The following LDLRAD3 variants were observed in gnomAD, a reference collection of about 807,000 sequenced individuals.
LDLRAD3 encodes the protein low density lipoprotein receptor class A domain containing 3.
Under a neutral mutation model 29.4 loss-of-function variants are expected in LDLRAD3, and 20 were observed. The observed-to-expected ratio is 0.68, with a 90% confidence interval of 0.48 to 0.99. The LOEUF is 0.99. Ranked by LOEUF, LDLRAD3 falls within the 50% of genes least tolerant of loss-of-function variation. The pLI is 0.00. For synonymous variants in LDLRAD3, 157 were observed against 192.7 expected, an observed-to-expected ratio of 0.81 and a Z score of 1.53; for missense variants, 420 against 454.3, an observed-to-expected ratio of 0.92 and a Z score of 0.69.
chr11:36,203,039 C>T (rs1298188013), intron 4 of LDLRAD3, among the ~76,000 whole-genome samples: 3 of 152,142 alleles, frequency 2.0e-5, no homozygotes, highest in East Asian at 1.9e-4. Flanking sequence ...TGGGCTCAAG[C>T]GATCCTCCCT....
intron 2 of LDLRAD3, among the ~76,000 whole-genome samples, chr11:36,068,662 A>G (rs1180567153): frequency 6.6e-6 from 1 of 152,144 alleles, no homozygotes; most frequent in Non-Finnish European, 1.5e-5. Context: ...GACTACAGGC[A>G]TGTGCCACCA....
intron 1 of LDLRAD3, among the ~76,000 whole-genome samples, chr11:35,986,603 G>A (rs1405463139): frequency 6.6e-6 from 1 of 152,218 alleles, no homozygotes; most frequent in Non-Finnish European, 1.5e-5. Context: ...GGCTCTACCT[G>A]TCTTGGTCAC....
At chr11:36,083,996 C>G (rs1400834105) in intron 3 of LDLRAD3, among the ~76,000 whole-genome samples, 1 of 152,058 alleles carries the variant, frequency 6.6e-6, no homozygotes, top group East Asian at 1.9e-4. Context: ...ACAGCTCACT[C>G]CAGCCTCAAC....
At chr11:36,063,058 C>A (rs776158074) in intron 2 of LDLRAD3, among the ~76,000 whole-genome samples, 1 of 152,128 alleles carries the variant, frequency 6.6e-6, no homozygotes, top group Non-Finnish European at 1.5e-5. Flanking sequence ...AGTTTCAGCT[C>A]TTTGATACTT....
At chr11:36,128,892 A>G (rs937425610) in intron 4 of LDLRAD3, among the ~76,000 whole-genome samples, 64 of 151,718 alleles carry the variant, frequency 4.2e-4, no homozygotes, top group African/African-American at 1.3e-3. Context: ...TCACCCTAGC[A>G]TCGGTGGAAC....
intron 1 of LDLRAD3, among the ~76,000 whole-genome samples, chr11:35,989,343 C>G (rs1851658911): frequency 6.6e-6 from 1 of 152,094 alleles, no homozygotes; most frequent in Admixed American, 6.6e-5. Context: ...TAGGATTGCT[C>G]TGGCTCTTTG....
At chr11:36,054,178 C>G (rs1852571519) in intron 2 of LDLRAD3, among the ~76,000 whole-genome samples, 1 of 152,150 alleles carries the variant, frequency 6.6e-6, no homozygotes, top group Non-Finnish European at 1.5e-5. Context: ...TCATTCCAGA[C>G]AGTGGGAGTA....
At chr11:36,032,434 T>G (rs1044483146) in intron 1 of LDLRAD3, among the ~76,000 whole-genome samples, 50 of 152,090 alleles carry the variant, frequency 3.3e-4, no homozygotes, top group African/African-American at 1.2e-3. Context: ...GGAGAACCCA[T>G]CAGTGCATTT....
At chr11:36,101,121 C>T (rs932648888) in intron 4 of LDLRAD3, among the ~76,000 whole-genome samples, 2 of 152,156 alleles carry the variant, frequency 1.3e-5, no homozygotes, top group African/African-American at 4.8e-5. Flanking sequence ...AGGGCATCCC[C>T]TTAGAAAATA....
intron 4 of LDLRAD3, among the ~76,000 whole-genome samples, chr11:36,139,354 A>T (rs1025127809): frequency 6.6e-6 from 1 of 152,130 alleles, no homozygotes; most frequent in African/African-American, 2.4e-5. Flanking sequence ...ATTATAGATG[A>T]TCCCAACTTT....
intron 4 of LDLRAD3, among the ~76,000 whole-genome samples, chr11:36,201,795 A>G (rs1367693197): frequency 6.6e-6 from 1 of 152,220 alleles, no homozygotes; most frequent in Non-Finnish European, 1.5e-5. Context: ...CCAAAATATA[A>G]AAGAGGCAGT....
At chr11:36,061,225 G>A (rs758072098) in intron 2 of LDLRAD3, among the ~76,000 whole-genome samples, 3 of 152,084 alleles carry the variant, frequency 2.0e-5, no homozygotes, top group African/African-American at 4.8e-5. Flanking sequence ...TGCAACCTCC[G>A]CCTGCTGAGT....
At chr11:36,007,406 A>G (rs1210079489) in intron 1 of LDLRAD3, among the ~76,000 whole-genome samples, 1 of 152,172 alleles carries the variant, frequency 6.6e-6, no homozygotes, top group Non-Finnish European at 1.5e-5. Flanking sequence ...GGAGAGACTC[A>G]TCACTTAAGT....
At chr11:36,080,118 A>G (rs1590250618) in intron 2 of LDLRAD3, among the ~76,000 whole-genome samples, 1 of 152,262 alleles carries the variant, frequency 6.6e-6, no homozygotes, top group Middle Eastern at 3.4e-3. Context: ...ACATGGAGGT[A>G]ATTTATTGCC....
At chr11:36,057,451 T>C (rs1852638464) in intron 2 of LDLRAD3, among the ~76,000 whole-genome samples, 1 of 152,168 alleles carries the variant, frequency 6.6e-6, no homozygotes, top group Non-Finnish European at 1.5e-5. Context: ...TCTTGTTCCT[T>C]CTCCTTTGTT....
intron 4 of LDLRAD3, among the ~76,000 whole-genome samples, chr11:36,107,784 A>G (rs912843690): frequency 1.3e-5 from 2 of 152,162 alleles, no homozygotes; most frequent in Admixed American, 1.3e-4. Context: ...TGTGCACCCC[A>G]TGATGAAATC....
At chr11:36,195,664 G>T (rs902709929) in intron 4 of LDLRAD3, among the ~76,000 whole-genome samples, 1 of 152,160 alleles carries the variant, frequency 6.6e-6, no homozygotes, top group African/African-American at 2.4e-5. Context: ...CATCAGACTT[G>T]TGCCTGTGTA....
chr11:35,952,499 T>C (rs1851149135), intron 1 of LDLRAD3, among the ~76,000 whole-genome samples: 1 of 152,216 alleles, frequency 6.6e-6, no homozygotes, highest in African/African-American at 2.4e-5. Flanking sequence ...AACGTATCAG[T>C]ATAGGTGTTG....
intron 1 of LDLRAD3, among the ~76,000 whole-genome samples, chr11:35,991,567 T>C (rs941446720): frequency 6.6e-6 from 1 of 152,164 alleles, no homozygotes; most frequent in Non-Finnish European, 1.5e-5. Context: ...TTTCACAAAT[T>C]TGTCATGTTC....
Sources: allele counts gnomAD v4.1 joint callset (sites outside exome capture counted in the v4.1 genomes callset), GRCh38; gene constraint gnomAD v4.1.1; transcripts MANE v1.5; gene names NCBI Gene and HGNC (gene_info 2026-07-23, HGNC 2026-07-21).